Variants in PYGB observed in about 807,000 individuals in gnomAD.
PYGB encodes glycogen phosphorylase B.
Under a neutral mutation model 94.3 loss-of-function variants are expected in PYGB, and 82 were observed. The observed-to-expected ratio is 0.87, with a 90% confidence interval of 0.73 to 1.04. The LOEUF is 1.04. PYGB is among the 50% of genes least tolerant of loss of function. PYGB has a pLI of 0.00. For missense variants in PYGB, 1,132 were observed against 1,158.2 expected (o/e 0.98, Z 0.33); for synonymous variants, 488 against 479.1 (o/e 1.02, Z -0.24).
At chr20:25,281,809 GGCAAACCGCACA>G (rs2088369886) in intron 11 of PYGB, among the ~76,000 whole-genome samples, 1 of 152,224 alleles carries the variant, frequency 6.6e-6, no homozygotes, top group Admixed American at 6.5e-5. Context: ...GTTGTGGTTG[GGCAAACCGCACA>G]GCCAGCCACA....
chr20:25,277,206 A>G (rs1473437044), intron 6 of PYGB, 38 bp from the exon 7 acceptor site: 1 of 1,484,400 alleles, frequency 6.7e-7, no homozygotes, highest in African/African-American at 1.4e-5. Flanking sequence ...TGGTGCCAGG[A>G]GGCATGTGTG....
In PYGB at chr20:25,292,259, C is replaced by CGGGAGCGGGAGTGGGAGCA. The variant is rs2088474377; in HGVS notation, c.1970-142_1970-141insCGGGAGTGGGAGCAGGGAG. On this transcript the variant is annotated intron_variant, in intron 16 of 19. Coordinates refer to ENST00000216962, the MANE Select transcript of PYGB (RefSeq NM_002862.4). ...TGTCCAGCCTGGGCCCCTGTGGGAG[C>CGGGAGCGGGAGTGGGAGCA]GGGAGTGGGGGCTGGAGCGGGGCCA... 58 of 843,060 alleles carry CGGGAGCGGGAGTGGGAGCA rather than the reference C, an allele frequency of 6.9e-5. 1 individual carries two copies. In the South Asian group the frequency reaches 1.0e-3, roughly 15 times the overall value. 52.2% of individuals were successfully genotyped at this position (843,060 alleles called of 1,614,324 possible).
At chr20:25,274,754 C>T in intron 5 of PYGB, 31 bp downstream of exon 5, 1 of 1,603,916 alleles carries the variant, frequency 6.2e-7, no homozygotes, top group Middle Eastern at 1.7e-4. Context: ...GCGGGCAAGG[C>T]TGGAGCCAGG....
intron 2 of PYGB, among the ~76,000 whole-genome samples, chr20:25,268,649 A>G (rs563674524): frequency 8.8e-4 from 134 of 152,366 alleles, no homozygotes; most frequent in African/African-American, 3.0e-3. Context: ...ATATTTATCC[A>G]TATGCCATAA....
At chr20:25,249,679 A>G (rs1490422959) in intron 1 of PYGB, among the ~76,000 whole-genome samples, 1 of 152,250 alleles carries the variant, frequency 6.6e-6, no homozygotes, top group Non-Finnish European at 1.5e-5. Flanking sequence ...CAGATTTGTT[A>G]GAATACCAAC....
intron 15 of PYGB, 185 bp downstream of exon 15, chr20:25,288,668 C>A: frequency 3.0e-6 from 2 of 671,610 alleles, no homozygotes; most frequent in Non-Finnish European, 5.0e-6. Context: ...GGATGGAAGC[C>A]TCCTGCCTGC....
At chr20:25,284,919 T>C (rs561061865) in intron 14 of PYGB, 2 of 152,192 alleles carry the variant, frequency 1.3e-5, no homozygotes, top group African/African-American at 4.8e-5. Context: ...CAAAGGTCAA[T>C]GTGAATATTT....
chr20:25,286,087 C>T (rs67184896), intron 14 of PYGB, among the ~76,000 whole-genome samples: 9,569 of 152,236 alleles, frequency 0.063, 373 homozygotes, highest in Middle Eastern at 0.12. Flanking sequence ...TCTGAGTTCT[C>T]GATCTCATCA....
rs955465384 is a variant in PYGB at position 25,297,755 on chromosome 20, C to T, written c.*1233C>T. ...GGGCTGCGGGGAGGCTCTTTTTCTC[C>T]CTGGCCTCCAGTGCCCACCAGGAGG... On this transcript the variant is annotated 3_prime_UTR_variant, in exon 20 of 20. Coordinates refer to ENST00000216962, the MANE Select transcript of PYGB (RefSeq NM_002862.4). The T allele has an allele frequency of 2.0e-5, 3 of 152,330 alleles. No individual in the cohort carries two copies. The highest frequency in any genetic ancestry group is 7.2e-5 in the African/African-American group (3 of 41,468). 9.4% of individuals were successfully genotyped at this position (152,330 alleles called of 1,614,324 possible). A position where few individuals can be genotyped will look rare whatever the true frequency, so the allele number is the denominator to read the frequency against.
At position 25,282,167 on chromosome 20, in the gene PYGB, C is replaced by T. The variant is rs569430072; in HGVS notation, c.1518+20C>T. 44 of 1,581,806 alleles carry T rather than the reference C, an allele frequency of 2.8e-5. No homozygotes were observed. The South Asian group carries it at 3.7e-4, about 13-fold the overall frequency. ...GTGGAGGTGAGTCCCGGGCCCCACC[C>T]GTGCCTGTGGAGATGCCTGGGCTGA... On this transcript the variant is annotated intron_variant, in intron 12 of 19. Coordinates refer to ENST00000216962, the MANE Select transcript of PYGB (RefSeq NM_002862.4).
chr20:25,256,675 C>T (rs2092903422), intron 1 of PYGB, among the ~76,000 whole-genome samples: 1 of 152,166 alleles, frequency 6.6e-6, no homozygotes, highest in Non-Finnish European at 1.5e-5. Flanking sequence ...ATCGTGTTGG[C>T]ATTTTCAGGC....
At chr20:25,264,759 G>C (rs1382965769) in intron 2 of PYGB, among the ~76,000 whole-genome samples, 1 of 152,172 alleles carries the variant, frequency 6.6e-6, no homozygotes, top group East Asian at 1.9e-4. Flanking sequence ...ACAAACCACT[G>C]TTCAGGGAAA....
intron 2 of PYGB, among the ~76,000 whole-genome samples, chr20:25,261,353 G>A (rs945557087): frequency 6.6e-6 from 1 of 152,188 alleles, no homozygotes; most frequent in Non-Finnish European, 1.5e-5. Flanking sequence ...CTCTGCTGGT[G>A]ATACCCAGGC....
chr20:25,281,888 C>A (rs1203556352), intron 11 of PYGB, 145 bp from the exon 12 acceptor site: 2 of 675,734 alleles, frequency 3.0e-6, no homozygotes, highest in African/African-American at 1.8e-5. Flanking sequence ...GCAGCTGCCG[C>A]GGTCACTCTG....
intron 1 of PYGB, among the ~76,000 whole-genome samples, chr20:25,249,299 A>G (rs1325699943): frequency 1.3e-5 from 2 of 152,228 alleles, no homozygotes; most frequent in African/African-American, 4.8e-5. Flanking sequence ...ACAGCTTTGC[A>G]GGTCAATGGA....
At chr20:25,287,884 G>A (rs1316098196) in intron 14 of PYGB, among the ~76,000 whole-genome samples, 2 of 152,144 alleles carry the variant, frequency 1.3e-5, no homozygotes, top group South Asian at 2.1e-4. Context: ...AGGAGGCTGA[G>A]GTGGGAGGAT....
chr20:25,260,059 G>A (rs952268851), intron 2 of PYGB, among the ~76,000 whole-genome samples: 3 of 152,182 alleles, frequency 2.0e-5, no homozygotes, highest in African/African-American at 7.2e-5. Flanking sequence ...GGGGGCAAAT[G>A]TCTTGCATGG....
At chr20:25,295,901 G>A (rs780462212) in intron 19 of PYGB, among the ~76,000 whole-genome samples, 11 of 152,210 alleles carry the variant, frequency 7.2e-5, no homozygotes, top group East Asian at 5.8e-4. Context: ...AGGAATGTGC[G>A]GCCTGGAAAC....
At chr20:25,288,590 G>A in intron 15 of PYGB, 107 bp downstream of exon 15, 1 of 1,341,084 alleles carries the variant, frequency 7.5e-7, no homozygotes. Flanking sequence ...TCGGGAACCG[G>A]ATGCCCAGCG....
Sources: allele counts gnomAD v4.1 joint callset (sites outside exome capture counted in the v4.1 genomes callset), GRCh38; gene constraint gnomAD v4.1.1; transcripts MANE v1.5; gene names NCBI Gene and HGNC (gene_info 2026-07-23, HGNC 2026-07-21).